The following PAPPA2 variants were observed in gnomAD, a reference collection of about 807,000 sequenced individuals.
PAPPA2 encodes the protein pappalysin 2.
In PAPPA2, 86 loss-of-function variants were observed where a neutral mutation model predicts 176.4. The observed-to-expected ratio is 0.49, with a 90% CI of 0.41 to 0.58. The LOEUF is 0.58. PAPPA2 is among the 20% of genes least tolerant of loss of function. PAPPA2 has a pLI of 0.00. For missense variants in PAPPA2, 2,073 were observed against 2,256.9 expected (o/e 0.92, Z 1.65); for synonymous variants, 809 against 852.2 (o/e 0.95, Z 0.88).
intron 1 of PAPPA2, among the ~76,000 whole-genome samples, chr1:176,492,762 T>A (rs1647358895): frequency 6.6e-6 from 1 of 152,206 alleles, no homozygotes; most frequent in African/African-American, 2.4e-5. Context: ...ACCTTACATA[T>A]GGTTTGAGCT....
At chr1:176,717,548 CG>C (rs1661432293) in intron 12 of PAPPA2, among the ~76,000 whole-genome samples, 1 of 152,218 alleles carries the variant, frequency 6.6e-6, no homozygotes, top group East Asian at 1.9e-4. Flanking sequence ...ATGAGAGTAG[CG>C]GTACCTCTGC....
At chr1:176,726,203 C>A (rs1661864506) in intron 12 of PAPPA2, among the ~76,000 whole-genome samples, 1 of 152,210 alleles carries the variant, frequency 6.6e-6, no homozygotes, top group African/African-American at 2.4e-5. Flanking sequence ...TGTCATTTAG[C>A]TCAAGGATTA....
At chr1:176,723,367 A>C (rs1661713910) in intron 12 of PAPPA2, among the ~76,000 whole-genome samples, 1 of 152,222 alleles carries the variant, frequency 6.6e-6, no homozygotes, top group Non-Finnish European at 1.5e-5. Context: ...AAAATTATTA[A>C]TATAATTGAA....
intron 12 of PAPPA2, among the ~76,000 whole-genome samples, chr1:176,724,150 C>A (rs1283596348): frequency 6.6e-6 from 1 of 152,188 alleles, no homozygotes; most frequent in Non-Finnish European, 1.5e-5. Flanking sequence ...TGGTGACAGA[C>A]AGAAACATAG....
At chr1:176,792,509 C>G (rs1665222544) in intron 19 of PAPPA2, among the ~76,000 whole-genome samples, 1 of 152,124 alleles carries the variant, frequency 6.6e-6, no homozygotes, top group Admixed American at 6.5e-5. Context: ...AGGTTCTCAT[C>G]CTCCAAGCCT....
intron 21 of PAPPA2, among the ~76,000 whole-genome samples, chr1:176,813,162 G>T (rs1482792800): frequency 6.6e-6 from 1 of 152,120 alleles, no homozygotes; most frequent in Non-Finnish European, 1.5e-5. Flanking sequence ...TGGTGCATAT[G>T]TACCACATTT....
Position 176,748,707 on chromosome 1 carries a change from C to T in PAPPA2, c.4151+8511C>T, listed in dbSNP as rs1360982627. Reference sequence around the variant, plus strand: ...TTATAATACAGTATTTTTTGCTGTACCTTTTCTATGTTTAGATTTGTTTAA... The same window carrying T: ...TTATAATACAGTATTTTTTGCTGTATCTTTTCTATGTTTAGATTTGTTTAA... On this transcript the variant is annotated intron_variant, in intron 14 of 22. Transcript: ENST00000367662. Among the ~76,000 whole-genome samples the T allele has an allele frequency of 2.0e-5, 3 of 151,940 alleles. No individual in the cohort carries two copies. In the East Asian group the frequency reaches 5.8e-4, roughly 29 times the overall value.
At chr1:176,804,650 A>G (rs1055962998) in intron 21 of PAPPA2, among the ~76,000 whole-genome samples, 1 of 151,936 alleles carries the variant, frequency 6.6e-6, no homozygotes, top group African/African-American at 2.4e-5. Flanking sequence ...ACCACTTACC[A>G]CCTTAGGGAA....
At chr1:176,753,102 A>G (rs1663256216) in intron 14 of PAPPA2, among the ~76,000 whole-genome samples, 2 of 152,198 alleles carry the variant, frequency 1.3e-5, no homozygotes, top group South Asian at 2.1e-4. Flanking sequence ...TTCTGGAAGG[A>G]AGTGGCTGTC....
At chr1:176,740,460 A>G (rs866208633) in intron 14 of PAPPA2, among the ~76,000 whole-genome samples, 15 of 152,166 alleles carry the variant, frequency 9.9e-5, no homozygotes, top group African/African-American at 3.4e-4. Flanking sequence ...CATCTTTTTT[A>G]CATATAAAAC....
chr1:176,734,045 C>T (rs757294493), intron 12 of PAPPA2, among the ~76,000 whole-genome samples: 5 of 152,112 alleles, frequency 3.3e-5, no homozygotes, highest in African/African-American at 1.2e-4. Context: ...AGGGCAGTTT[C>T]TGGAAAGATT....
intron 2 of PAPPA2, among the ~76,000 whole-genome samples, chr1:176,575,077 G>A (rs1652569055): frequency 6.6e-6 from 1 of 152,192 alleles, no homozygotes; most frequent in Non-Finnish European, 1.5e-5. Context: ...TAGGTGATGA[G>A]TGCCTAAAGC....
Position 176,706,336 on chromosome 1 carries a change from T to C in PAPPA2, c.3366-23T>C, listed in dbSNP as rs762955143. 25 of 1,596,742 alleles carry C rather than the reference T, an allele frequency of 1.6e-5. No individual in the cohort carries two copies. The East Asian group carries it at 4.0e-4, about 26-fold the overall frequency. Reference sequence around the variant, plus strand: ...AAAATTTGTGTGTATGTGTTATATATGCATATATATTTTACCCTCTAGGAG... The same window carrying C: ...AAAATTTGTGTGTATGTGTTATATACGCATATATATTTTACCCTCTAGGAG... On this transcript the variant is annotated intron_variant, in intron 9 of 22. Transcript: ENST00000367662.
At chr1:176,466,851 C>T (rs947918169) in intron 1 of PAPPA2, among the ~76,000 whole-genome samples, 1 of 152,162 alleles carries the variant, frequency 6.6e-6, no homozygotes, top group Non-Finnish European at 1.5e-5. Context: ...GTTTCCAGAG[C>T]CAAGGGCAAC....
chr1:176,789,267 C>T (rs565910434), intron 17 of PAPPA2, among the ~76,000 whole-genome samples: 1 of 152,276 alleles, frequency 6.6e-6, no homozygotes, highest in South Asian at 2.1e-4. Context: ...ATGGATGAAG[C>T]TGGAAACCAT....
At chr1:176,545,832 C>T (rs1650605851) in intron 1 of PAPPA2, among the ~76,000 whole-genome samples, 1 of 152,158 alleles carries the variant, frequency 6.6e-6, no homozygotes, top group Admixed American at 6.5e-5. Context: ...TAATTATTTT[C>T]TTCCTGCTTG....
At chr1:176,715,662 A>G (rs972528981) in intron 12 of PAPPA2, among the ~76,000 whole-genome samples, 1 of 152,186 alleles carries the variant, frequency 6.6e-6, no homozygotes, top group Non-Finnish European at 1.5e-5. Context: ...CCCTGTGGGG[A>G]TCACCGTCTA....
chr1:176,535,379 GTAAGAGCGGAATTCGACATTTTC>G (rs1417656979), intron 1 of PAPPA2, among the ~76,000 whole-genome samples: 5 of 152,168 alleles, frequency 3.3e-5, no homozygotes, highest in Non-Finnish European at 7.3e-5. Context: ...TTTCATTTTT[GTAAGAGCGGAATTCGACATTTTC>G]TACCACACTT....
intron 3 of PAPPA2, among the ~76,000 whole-genome samples, chr1:176,657,812 A>G (rs1220996087): frequency 1.3e-5 from 2 of 152,104 alleles, no homozygotes; most frequent in Non-Finnish European, 2.9e-5. Flanking sequence ...ATTAACATAT[A>G]TATGATAGCT....
Sources: allele counts gnomAD v4.1 joint callset (sites outside exome capture counted in the v4.1 genomes callset), GRCh38; gene constraint gnomAD v4.1.1; transcripts MANE v1.5; gene names NCBI Gene and HGNC (gene_info 2026-07-23, HGNC 2026-07-21).